The following GLI3 variants were observed in gnomAD, a reference collection of about 807,000 sequenced individuals.
GLI3 encodes transcription activator GLI3.
In GLI3, 20 loss-of-function variants were observed where a neutral mutation model predicts 100.8. The ratio of observed to expected loss-of-function variants is 0.20; its 90% CI spans 0.14 to 0.29. The LOEUF (loss-of-function observed/expected upper bound fraction) is 0.29, where lower values mean the gene tolerates loss of function less well. Among genes scored for constraint, GLI3 ranks in the 10% least tolerant of loss-of-function variants. The pLI is 1.00. For missense variants in GLI3, 2,040 were observed against 2,128.5 expected (o/e 0.96, Z 0.82); for synonymous variants, 938 against 860.5 (o/e 1.09, Z -1.58).
intron 3 of GLI3, among the ~76,000 whole-genome samples, chr7:42,098,155 G>C (rs2128760416): frequency 6.6e-6 from 1 of 152,206 alleles, no homozygotes; most frequent in East Asian, 1.9e-4. Context: ...GACACGTGAA[G>C]AAGAGTGCTC....
At chr7:42,071,627 G>T (rs1009720567) in intron 4 of GLI3, among the ~76,000 whole-genome samples, 2 of 152,320 alleles carry the variant, frequency 1.3e-5, no homozygotes, top group African/African-American at 4.8e-5. Context: ...GAACTCAGTA[G>T]TAGCCCTGGT....
At chr7:42,035,290 G>A (rs1789407199) in intron 7 of GLI3, among the ~76,000 whole-genome samples, 1 of 152,274 alleles carries the variant, frequency 6.6e-6, no homozygotes, top group Non-Finnish European at 1.5e-5. Context: ...TATGGAGGCC[G>A]AGCTGACTTC....
At position 41,961,744 on chromosome 7, in the gene GLI3, C is replaced by T. The variant is rs1269371096; in HGVS notation, c.*2586G>A. 6.6e-6 allele frequency: 1 copy of T among 152,100 alleles called. No individual in the cohort carries two copies. Among genetic ancestry groups the T allele is most frequent in the Non-Finnish European group, 1.5e-5 (1 of 68,062 alleles). The allele number at this position is 152,100 out of a possible 1,614,324, so 9.4% of individuals were successfully genotyped here. A position where few individuals can be genotyped will look rare whatever the true frequency, so the allele number is the denominator to read the frequency against. On this transcript the variant is annotated 3_prime_UTR_variant, in exon 15 of 15. Transcript: ENST00000395925. The stretch of plus-strand genomic sequence containing the variant: ...CTCAAGATATGAGATGCCTAGCCTA[C>T]AGAGATCCCAAAAGGATGTCCCAAA...
chr7:41,970,885 A>G (rs114119310), intron 13 of GLI3, among the ~76,000 whole-genome samples: 1,534 of 152,168 alleles, frequency 0.01, 30 homozygotes, highest in African/African-American at 0.035. Flanking sequence ...GCTTTATTTT[A>G]AGAATAGACA....
chr7:42,252,351 G>C (rs1397576871), intron 1 of GLI3, among the ~76,000 whole-genome samples: 3 of 152,132 alleles, frequency 2.0e-5, no homozygotes, highest in African/African-American at 7.2e-5. Flanking sequence ...GAGGGTGTTG[G>C]GCGGGAGGAG....
At chr7:42,227,203 C>T (rs1788598220) in intron 1 of GLI3, among the ~76,000 whole-genome samples, 1 of 152,142 alleles carries the variant, frequency 6.6e-6, no homozygotes, top group Non-Finnish European at 1.5e-5. Flanking sequence ...ACACTGTTCT[C>T]CTTCAATCCC....
chr7:42,148,471 AAAGAAAG>A lies in GLI3; in HGVS notation c.125-10_125-4del, dbSNP rs1454587140. On this transcript the variant is annotated splice_polypyrimidine_tract_variant and splice_region_variant and intron_variant, in intron 2 of 14. Coordinates refer to ENST00000395925, the MANE Select transcript of GLI3 (RefSeq NM_000168.6). ...AGTCTGTCCAGGACTTTCATCCTCT[AAAGAAAG>A]AAGAAAAATGAAAGACTCTGTAAAC... The A allele has an allele frequency of 1.9e-6, 3 of 1,613,128 alleles. No homozygotes were observed. Among genetic ancestry groups the A allele is most frequent in the Admixed American group, 3.3e-5 (2 of 60,012 alleles).
chr7:42,125,339 C>G (rs913829413), intron 3 of GLI3, among the ~76,000 whole-genome samples: 4 of 152,128 alleles, frequency 2.6e-5, no homozygotes, highest in African/African-American at 9.7e-5. Flanking sequence ...TGTAATGAGA[C>G]CTTAAAAGGC....
intron 2 of GLI3, among the ~76,000 whole-genome samples, chr7:42,187,918 G>A (rs1425680019): frequency 1.3e-5 from 2 of 149,534 alleles, no homozygotes; most frequent in Non-Finnish European, 3.0e-5. Context: ...CAGGAGAATC[G>A]CTCGAACCCG....
intron 10 of GLI3, among the ~76,000 whole-genome samples, chr7:42,008,380 C>T (rs1280661834): frequency 2.6e-5 from 4 of 152,234 alleles, no homozygotes; most frequent in East Asian, 3.8e-4. Context: ...TATTTGAAAG[C>T]AGTTATCATG....
chr7:42,000,889 C>T (rs1788268787), intron 10 of GLI3, among the ~76,000 whole-genome samples: 1 of 152,046 alleles, frequency 6.6e-6, no homozygotes, highest in Non-Finnish European at 1.5e-5. Flanking sequence ...TTGGAATAAA[C>T]CAGACCTGAA....
chr7:42,105,210 T>C (rs1049749840), intron 3 of GLI3, among the ~76,000 whole-genome samples: 1 of 152,148 alleles, frequency 6.6e-6, no homozygotes, highest in African/African-American at 2.4e-5. Flanking sequence ...TGAATTCAAG[T>C]GGGCAAATTC....
At chr7:41,968,709 GAAAGAAGAAAGAAAGAAAGA>G (rs1243495937) in intron 13 of GLI3, among the ~76,000 whole-genome samples, 229 of 119,472 alleles carry the variant, frequency 1.9e-3, no homozygotes, top group Middle Eastern at 3.9e-3. Flanking sequence ...AAGAAAGAAA[GAAAGAAGAAAGAAAGAAAGA>G]AAGAAAGAAA....
intron 3 of GLI3, among the ~76,000 whole-genome samples, chr7:42,143,533 T>G (rs1786624229): frequency 6.6e-6 from 1 of 152,174 alleles, no homozygotes; most frequent in African/African-American, 2.4e-5. Context: ...TAAAGGGATG[T>G]GGAAAGTCAC....
At position 41,965,575 on chromosome 7, in the gene GLI3, G is replaced by A. The variant is rs1232245839; in HGVS notation, c.3498C>T (p.Ser1166=). The A allele has an allele frequency of 2.5e-6, 4 of 1,605,014 alleles. No homozygotes were observed. In the Admixed American group the frequency reaches 6.7e-5, roughly 27 times the overall value. The change falls in exon 15 of 15, where the codon AGC becomes AGT. Residue 1166 remains serine, a synonymous_variant. Transcript: ENST00000395925. ...AGGAGGACAGGTCGGCGCTTCCGGAGCTGACTTCGTTCCACTGAATGGGCA... is the reference window on the plus strand; with the variant it reads ...AGGAGGACAGGTCGGCGCTTCCGGAACTGACTTCGTTCCACTGAATGGGCA... ...TDLPIQWNEV[S]SGSADLSSSK... is the part of the protein sequence containing the mutation.
chr7:41,995,223 T>A (rs1012237738), intron 10 of GLI3, among the ~76,000 whole-genome samples: 7 of 152,202 alleles, frequency 4.6e-5, no homozygotes, highest in Admixed American at 4.6e-4. Flanking sequence ...TGTCCCCTGG[T>A]CCCAGGCTAT....
intron 7 of GLI3, among the ~76,000 whole-genome samples, chr7:42,038,876 G>A (rs1408451965): frequency 2.0e-5 from 3 of 152,118 alleles, no homozygotes; most frequent in Admixed American, 2.0e-4. Context: ...CTGAACTGAT[G>A]AAGTTTCCCT....
intron 1 of GLI3, among the ~76,000 whole-genome samples, chr7:42,246,923 G>T (rs1325515595): frequency 6.8e-6 from 1 of 147,730 alleles, no homozygotes; most frequent in African/African-American, 2.5e-5. Context: ...ATGCACTGCA[G>T]TCTTTTATGT....
chr7:42,166,380 C>G (rs1352701754), intron 2 of GLI3, among the ~76,000 whole-genome samples: 1 of 152,170 alleles, frequency 6.6e-6, no homozygotes, highest in East Asian at 1.9e-4. Flanking sequence ...CAGGGAGTGT[C>G]TGGAAGCAAC....
Sources: allele counts gnomAD v4.1 joint callset (sites outside exome capture counted in the v4.1 genomes callset), GRCh38; gene constraint gnomAD v4.1.1; transcripts MANE v1.5; gene names NCBI Gene and HGNC (gene_info 2026-07-23, HGNC 2026-07-21).